Variants in IQSEC1 observed in about 807,000 individuals in gnomAD.
IQSEC1 encodes IQ motif and Sec7 domain ArfGEF 1, also known as IQ motif and SEC7 domain-containing protein 1.
IQSEC1 carries 31 observed loss-of-function variants against 91.0 expected under a neutral mutation model. That is an observed-to-expected ratio of 0.34 (90% CI 0.26 to 0.46). The LOEUF (loss-of-function observed/expected upper bound fraction) is 0.46, where lower values mean the gene tolerates loss of function less well. Among genes scored for constraint, IQSEC1 ranks in the 20% least tolerant of loss-of-function variants. The pLI, the probability that IQSEC1 is intolerant of heterozygous loss-of-function variation, is 1.00. For synonymous variants in IQSEC1, 699 were observed against 662.6 expected (o/e 1.05, Z -0.84); for missense variants, 1,388 against 1,575.6 (o/e 0.88, Z 2.02).
At chr3:13,072,903 C>T in intron 1 of IQSEC1, 89 bp downstream of exon 1, 1 of 1,193,588 alleles carries the variant, frequency 8.4e-7, no homozygotes, top group Non-Finnish European at 1.2e-6. Flanking sequence ...ACCTGCCCCT[C>T]CCCCAACGAT....
In IQSEC1 at chr3:12,898,202, T is replaced by C. The variant is rs1051080005; in HGVS notation, c.*2781A>G. ...CTGTGGCTCTGACAGGTGGGATCTC[T>C]AAAGGGGACAGTCCCATGAAAGACA... is the stretch of plus-strand genomic sequence containing the variant. On this transcript the variant is annotated 3_prime_UTR_variant, in exon 14 of 14. Coordinates refer to ENST00000613206, the MANE Select transcript of IQSEC1 (RefSeq NM_001134382.3). 10 of 152,338 alleles carry C rather than the reference T, an allele frequency of 6.6e-5. No homozygotes were observed. The East Asian group carries it at 1.7e-3, about 26-fold the overall frequency. The allele number at this position is 152,338 out of a possible 1,614,324, so 9.4% of individuals were successfully genotyped here. A position where few individuals can be genotyped will look rare whatever the true frequency, so the allele number is the denominator to read the frequency against.
intron 1 of IQSEC1, among the ~76,000 whole-genome samples, chr3:12,964,288 C>T (rs1031065373): frequency 3.1e-5 from 4 of 130,508 alleles, no homozygotes; most frequent in Non-Finnish European, 3.2e-5. Context: ...AGCATTTGAG[C>T]ATACTCCCCC....
chr3:13,205,882 C>A (rs1694334488), intron 1 of IQSEC1, among the ~76,000 whole-genome samples: 1 of 148,452 alleles, frequency 6.7e-6, no homozygotes. Flanking sequence ...TCATCGATCC[C>A]CCCATTCATC....
At chr3:13,080,764 GC>G (rs1228708743) in intron 2 of IQSEC1, among the ~76,000 whole-genome samples, 1 of 152,132 alleles carries the variant, frequency 6.6e-6, no homozygotes, top group East Asian at 1.9e-4. Context: ...GTGCTCCCCA[GC>G]CCCCGCCCTG....
intron 1 of IQSEC1, among the ~76,000 whole-genome samples, chr3:12,961,463 G>A (rs983958258): frequency 1.3e-5 from 2 of 152,188 alleles, no homozygotes; most frequent in African/African-American, 4.8e-5. Context: ...TGGGCTGTTT[G>A]GACAGCACGC....
In IQSEC1 at chr3:12,928,075, A is replaced by G. The variant is rs78116878; in HGVS notation, c.1569-3333T>C. Among the ~76,000 whole-genome samples, 45 of 152,324 alleles carry G rather than the reference A, an allele frequency of 3.0e-4. 2 individuals carry two copies. The East Asian group carries it at 8.7e-3, about 29-fold the overall frequency. On this transcript the variant is annotated intron_variant, in intron 3 of 13. Transcript: ENST00000613206. ...GTCCTAAGTCCACAAGAGCGATGCC[A>G]TGCTGGGGAGATCGTGGGCCAGGGC...
intron 1 of IQSEC1, chr3:13,047,567 C>T (rs1704547220): frequency 9.4e-6 from 9 of 957,540 alleles, no homozygotes; most frequent in Non-Finnish European, 1.1e-5. Flanking sequence ...GTCCCACACA[C>T]ACAGCAAACC....
At chr3:13,038,593 C>T (rs913024293) in intron 1 of IQSEC1, among the ~76,000 whole-genome samples, 1 of 151,920 alleles carries the variant, frequency 6.6e-6, no homozygotes, top group Non-Finnish European at 1.5e-5. Context: ...TTTGATAGCA[C>T]AATAGGGTGA....
chr3:13,137,964 C>A (rs568887608), intron 2 of IQSEC1, among the ~76,000 whole-genome samples: 3 of 152,234 alleles, frequency 2.0e-5, no homozygotes, highest in Admixed American at 2.0e-4. Flanking sequence ...TGTGTGAATT[C>A]TGTCACTCGC....
At chr3:12,901,599 T>C (rs938372111) in intron 13 of IQSEC1, 77 bp from the exon 14 acceptor site, 1 of 1,271,376 alleles carries the variant, frequency 7.9e-7, no homozygotes, top group Admixed American at 2.3e-5. Context: ...TTTTTTCAAA[T>C]GTAAAAATTC....
At chr3:13,102,603 G>A (rs888380957) in intron 2 of IQSEC1, among the ~76,000 whole-genome samples, 3 of 152,214 alleles carry the variant, frequency 2.0e-5, no homozygotes, top group South Asian at 2.1e-4. Context: ...TTCCCCGGTC[G>A]GGTGGGGATT....
At chr3:13,241,201 C>T (rs775761397) in intron 1 of IQSEC1, among the ~76,000 whole-genome samples, 11 of 152,216 alleles carry the variant, frequency 7.2e-5, no homozygotes, top group Non-Finnish European at 1.5e-4. Context: ...TATTTTAGTT[C>T]ATGACCCTAA....
intron 1 of IQSEC1, among the ~76,000 whole-genome samples, chr3:13,057,834 A>T (rs1704930318): frequency 6.6e-6 from 1 of 152,046 alleles, no homozygotes; most frequent in Non-Finnish European, 1.5e-5. Context: ...GGCTCTCCTT[A>T]CCCACTCCCC....
chr3:13,230,221 C>T (rs955915782), intron 1 of IQSEC1, among the ~76,000 whole-genome samples: 8 of 152,058 alleles, frequency 5.3e-5, no homozygotes, highest in Non-Finnish European at 1.0e-4. Flanking sequence ...AGATGGGTGC[C>T]CTTTAGAGTT....
chr3:13,200,794 T>A (rs1370468960), intron 1 of IQSEC1, among the ~76,000 whole-genome samples: 1 of 152,248 alleles, frequency 6.6e-6, no homozygotes, highest in Non-Finnish European at 1.5e-5. Flanking sequence ...GTTACTGCCT[T>A]GCTGTTTTGA....
At chr3:13,163,292 C>A (rs1322592586) in intron 2 of IQSEC1, among the ~76,000 whole-genome samples, 1 of 152,182 alleles carries the variant, frequency 6.6e-6, no homozygotes, top group African/African-American at 2.4e-5. Context: ...ATCTCCCCAG[C>A]CTGTAACATC....
At chr3:13,094,731 G>T (rs1705925570) in intron 2 of IQSEC1, among the ~76,000 whole-genome samples, 1 of 152,192 alleles carries the variant, frequency 6.6e-6, no homozygotes, top group Non-Finnish European at 1.5e-5. Context: ...CTCAAACTCA[G>T]GCTGACAGGC....
At chr3:13,130,961 G>T (rs1160802598) in intron 2 of IQSEC1, among the ~76,000 whole-genome samples, 3 of 149,568 alleles carry the variant, frequency 2.0e-5, no homozygotes, top group African/African-American at 7.4e-5. Flanking sequence ...AGGAAGGAAG[G>T]AGGGAAAGAA....
intron 1 of IQSEC1, among the ~76,000 whole-genome samples, chr3:13,184,825 A>C (rs898168630): frequency 6.6e-6 from 1 of 152,200 alleles, no homozygotes; most frequent in African/African-American, 2.4e-5. Context: ...AATTGAAGTG[A>C]AAAAGCAAGG....
Sources: gnomAD v4.1 joint callset for allele counts (sites outside exome capture counted in the v4.1 genomes callset) on GRCh38, gnomAD v4.1.1 for gene constraint, MANE v1.5 for transcripts, NCBI Gene and HGNC (gene_info 2026-07-23, HGNC 2026-07-21) for gene names.